Variants in ZSWIM5 observed in about 807,000 individuals in gnomAD.
ZSWIM5 encodes zinc finger SWIM domain-containing protein 5.
Under a neutral mutation model 119.6 loss-of-function variants are expected in ZSWIM5, and 55 were observed. That is an observed-to-expected ratio of 0.46 (90% confidence interval 0.37 to 0.58). The LOEUF (loss-of-function observed/expected upper bound fraction) is 0.58. ZSWIM5 is among the 20% of genes least tolerant of loss of function. The probability of loss-of-function intolerance (pLI) is 0.00; values close to 1 mark genes in which losing one functional copy is unlikely to be tolerated. For missense variants in ZSWIM5, 1,193 were observed against 1,512.8 expected (o/e 0.79, Z 3.51); for synonymous variants, 537 against 606.9 (o/e 0.88, Z 1.69).
chr1:45,039,670 C>A (rs1385502214), intron 7 of ZSWIM5, among the ~76,000 whole-genome samples: 1 of 152,004 alleles, frequency 6.6e-6, no homozygotes, highest in African/African-American at 2.4e-5. Context: ...CAGGCGTGAG[C>A]CACTGTGCCT....
At chr1:45,126,832 G>A (rs1359595402) in intron 1 of ZSWIM5, among the ~76,000 whole-genome samples, 1 of 152,072 alleles carries the variant, frequency 6.6e-6, no homozygotes. Context: ...CATTTTATTA[G>A]AAAAACAACA....
At chr1:45,100,712 A>G (rs1221225313) in intron 1 of ZSWIM5, among the ~76,000 whole-genome samples, 1 of 152,214 alleles carries the variant, frequency 6.6e-6, no homozygotes, top group Non-Finnish European at 1.5e-5. Flanking sequence ...ATACAGACCA[A>G]TGGAACAGAA....
intron 1 of ZSWIM5, among the ~76,000 whole-genome samples, chr1:45,098,780 A>G (rs1645419694): frequency 6.6e-6 from 1 of 152,172 alleles, no homozygotes; most frequent in African/African-American, 2.4e-5. Context: ...AAACTGAACA[A>G]CCTGCTCCTG....
intron 1 of ZSWIM5, among the ~76,000 whole-genome samples, chr1:45,154,248 C>T (rs1454553611): frequency 6.6e-6 from 1 of 151,758 alleles, no homozygotes; most frequent in Non-Finnish European, 1.5e-5. Flanking sequence ...GAAAAAAAAA[C>T]CCTAAAATTC....
Position 45,087,861 on chromosome 1 carries a change from T to TA in ZSWIM5, c.952+19dup, listed in dbSNP as rs1432420185. ...TGATGAAAAAGACCTTTTTTTTCAA[T>TA]AAAAAAGTTGTACAATTACCATTCA... On this transcript the variant is annotated intron_variant, in intron 2 of 13. Transcript: ENST00000359600. The TA allele has an allele frequency of 1.3e-6, 2 of 1,554,540 alleles. No individual in the cohort carries two copies. The highest frequency in any genetic ancestry group is 1.7e-6 in the Non-Finnish European group (2 of 1,146,182).
Position 45,205,976 on chromosome 1 carries a change from A to C in ZSWIM5, c.375T>G (p.Ala125=). The part of the protein sequence containing the change: ...FQYRGGPGAG[A]AGGAAGASPA... ...GCGAAGCCCCCGCGGCGCCGCCAGC[A>C]GCGCCGGCGCCGGGGCCGCCCCGGT... The change falls in exon 1 of 14, where the codon GCT becomes GCG. Residue 125 remains alanine, a synonymous_variant. Transcript: ENST00000359600. 1 of 1,402,142 alleles carries C rather than the reference A, an allele frequency of 7.1e-7. No individual in the cohort carries two copies. 86.9% of individuals were successfully genotyped at this position (1,402,142 alleles called of 1,614,324 possible). A position where few individuals can be genotyped will look rare whatever the true frequency, so the allele number is the denominator to read the frequency against.
At chr1:45,102,038 AT>A (rs1221799311) in intron 1 of ZSWIM5, among the ~76,000 whole-genome samples, 2 of 132,252 alleles carry the variant, frequency 1.5e-5, no homozygotes, top group African/African-American at 3.6e-5. Flanking sequence ...TTAAAGTATA[AT>A]AAAAAAAAAA....
chr1:45,027,750 C>T (rs1644929265), intron 11 of ZSWIM5, among the ~76,000 whole-genome samples: 1 of 152,188 alleles, frequency 6.6e-6, no homozygotes. Flanking sequence ...GTGATCATGG[C>T]TCACTTCAGC....
rs1491252085 is a variant in ZSWIM5 at position 45,030,799 on chromosome 1, T to TTC, written c.2449+3512_2449+3513insGA. Among the ~76,000 whole-genome samples, 6 of 186 alleles carry TTC rather than the reference T, an allele frequency of 0.032. No homozygotes were observed. In the East Asian group the frequency reaches 0.43, roughly 13 times the overall value. The allele number at this position is 186 out of a possible 152,430, so 0.1% of individuals were successfully genotyped here. On this transcript the variant is annotated intron_variant, in intron 11 of 13. Coordinates refer to ENST00000359600, the MANE Select transcript of ZSWIM5 (RefSeq NM_020883.2). ...ATTTGATTTATGTTTTCATTCTTTC[T>TTC]TTTTTTTTTTTTTTTGAGATAGAGT...
At chr1:45,025,509 T>G (rs1048564615) in intron 11 of ZSWIM5, among the ~76,000 whole-genome samples, 8 of 152,218 alleles carry the variant, frequency 5.3e-5, no homozygotes, top group African/African-American at 1.7e-4. Flanking sequence ...TTTTACAGTA[T>G]TCCTCATATC....
intron 2 of ZSWIM5, among the ~76,000 whole-genome samples, chr1:45,066,036 C>T (rs867690885): frequency 2.6e-4 from 33 of 128,356 alleles, no homozygotes; most frequent in African/African-American, 8.7e-4. Context: ...CAACAGTCCC[C>T]GGAGTGTGAT....
At chr1:45,164,367 T>C (rs1475445860) in intron 1 of ZSWIM5, among the ~76,000 whole-genome samples, 1 of 152,072 alleles carries the variant, frequency 6.6e-6, no homozygotes, top group African/African-American at 2.4e-5. Context: ...TGCAAAAACA[T>C]GACAAATTGT....
At chr1:45,086,858 G>A (rs1482447160) in intron 2 of ZSWIM5, among the ~76,000 whole-genome samples, 1 of 151,370 alleles carries the variant, frequency 6.6e-6, no homozygotes, top group Non-Finnish European at 1.5e-5. Context: ...AATGAAAACT[G>A]GCTTATTAAC....
chr1:45,096,133 G>T (rs1645400302), intron 1 of ZSWIM5, among the ~76,000 whole-genome samples: 1 of 152,112 alleles, frequency 6.6e-6, no homozygotes, highest in Non-Finnish European at 1.5e-5. Flanking sequence ...AAGTGCCCAA[G>T]AACTATATAG....
At chr1:45,149,760 C>T (rs918146034) in intron 1 of ZSWIM5, among the ~76,000 whole-genome samples, 1 of 152,162 alleles carries the variant, frequency 6.6e-6, no homozygotes. Flanking sequence ...CATAATAAAT[C>T]TATTTCAAGT....
rs750724658 is a variant in ZSWIM5, at chr1:45,206,254, G to A, written c.97C>T (p.Pro33Ser). ...CSWPSPQAHH[P>S]RGSPGAAGGG... is the part of the protein sequence containing the mutation. Reference sequence around the variant, plus strand: ...CCGGCTGCCCCAGGCGAACCGCGAGGGTGATGAGCCTGCGGGCTGGGCCAC... The same window carrying A: ...CCGGCTGCCCCAGGCGAACCGCGAGAGTGATGAGCCTGCGGGCTGGGCCAC... Residue 33 changes from proline (P) to serine (S), a missense_variant, in exon 1 of 14, where the codon CCT becomes TCT. Transcript: ENST00000359600. 22 of 1,584,968 alleles carry A rather than the reference G, an allele frequency of 1.4e-5. No homozygotes were observed. Among genetic ancestry groups the A allele is most frequent in the African/African-American group, 2.7e-5 (2 of 74,338 alleles).
chr1:45,166,460 T>A (rs931755688), intron 1 of ZSWIM5, among the ~76,000 whole-genome samples: 1 of 152,060 alleles, frequency 6.6e-6, no homozygotes, highest in Admixed American at 6.6e-5. Flanking sequence ...TGTTGGAAGT[T>A]CTGGCCAGGG....
chr1:45,165,716 G>GA (rs1393550068), intron 1 of ZSWIM5, among the ~76,000 whole-genome samples: 7 of 152,150 alleles, frequency 4.6e-5, no homozygotes, highest in Middle Eastern at 6.8e-3. Context: ...AGAAAATCTA[G>GA]AAAAAATGGA....
intron 4 of ZSWIM5, among the ~76,000 whole-genome samples, chr1:45,054,658 CG>C (rs1249129010): frequency 2.9e-5 from 4 of 136,888 alleles, no homozygotes; most frequent in Non-Finnish European, 6.8e-5. Context: ...TAAAATTTTA[CG>C]TAATTATTAA....
Sources: allele counts gnomAD v4.1 joint callset (sites outside exome capture counted in the v4.1 genomes callset), GRCh38; gene constraint gnomAD v4.1.1; transcripts MANE v1.5; gene names NCBI Gene and HGNC (gene_info 2026-07-23, HGNC 2026-07-21).